OVCH2: variants seen among roughly 807,000 people sequenced by gnomAD.
OVCH2 encodes ovochymase-2.
A neutral mutation model predicts 73.7 loss-of-function variants in OVCH2; 88 were observed. The ratio of observed to expected loss-of-function variants is 1.19; its 90% CI spans 1.01 to 1.43. The LOEUF is 1.43. Ranked by LOEUF, OVCH2 falls within the 40% of genes most tolerant of loss-of-function variation. The probability of loss-of-function intolerance (pLI) is 0.00; values close to 1 mark genes in which losing one functional copy is unlikely to be tolerated. For missense variants in OVCH2, 706 were observed against 674.5 expected, an observed-to-expected ratio of 1.05 and a Z score of -0.52; for synonymous variants, 265 against 234.5, an observed-to-expected ratio of 1.13 and a Z score of -1.19.
At chr11:7,698,844 C>G in intron 7 of OVCH2, 71 bp from the exon 8 acceptor site, 1 of 1,500,716 alleles carries the variant, frequency 6.7e-7, no homozygotes, top group Non-Finnish European at 9.2e-7. Flanking sequence ...AAGTTAGCAT[C>G]TTCTTGGCGC....
chr11:7,696,524 T>A lies in OVCH2; in HGVS notation c.1082A>T (p.Asp361Val), dbSNP rs1057465333. The A allele has an allele frequency of 3.7e-6, 6 of 1,613,864 alleles. No individual in the cohort carries two copies. In the African/African-American group the frequency reaches 6.7e-5, roughly 18 times the overall value. ...MHVLLSFSHL[D>V]VESCHHSYLS... ...GTAACTGTGGTGACAAGACTCAACATCTAGGTGGGAAAAACTGAGCAACAC... is the reference window on the plus strand; with the variant it reads ...GTAACTGTGGTGACAAGACTCAACAACTAGGTGGGAAAAACTGAGCAACAC... Residue 361 changes from aspartate (D) to valine (V), a missense_variant, in exon 10 of 16, where the codon GAT (aspartate) becomes GTT (valine). Transcript: ENST00000533663.
At position 7,695,615 on chromosome 11, in the gene OVCH2, C is replaced by T. The variant is rs3925027; in HGVS notation, c.1237G>A (p.Gly413Arg). ...AGAGCTTTATAGGTAAGATTAAACC[C>T]AGCTGCATTATCTGTGGCATCAGAG... ...FVSDATDNAAGFNLTYKALKP... is the reference protein window; with the variant it reads ...FVSDATDNAARFNLTYKALKP... The change falls in exon 11 of 16, where the codon GGG (glycine) becomes AGG (arginine). Residue 413 changes from glycine (G) to arginine (R), a missense_variant. Coordinates refer to ENST00000533663, the MANE Select transcript of OVCH2 (RefSeq NM_198185.7). The T allele has an allele frequency of 1.9e-6, 3 of 1,612,996 alleles. No homozygotes were observed. In the Admixed American group the frequency reaches 5.0e-5, roughly 27 times the overall value.
Position 7,704,108 on chromosome 11 carries a change from G to C in OVCH2, c.199-319C>G, listed in dbSNP as rs545516309. On this transcript the variant is annotated intron_variant, in intron 2 of 15. Transcript: ENST00000533663. ...TGCAGACCTGTTGCTCTAACAATAT[G>C]AACAGTGTCTGTGAATGAAGGTAAA... is the stretch of plus-strand genomic sequence containing the variant. 6.6e-5 allele frequency among the ~76,000 whole-genome samples: 10 copies of C among 152,262 alleles called. No individual in the cohort carries two copies. The East Asian group carries it at 1.2e-3, about 18-fold the overall frequency.
At chr11:7,696,875 A>G (rs1162752600) in intron 8 of OVCH2, 76 bp from the exon 9 acceptor site, 2 of 1,312,066 alleles carry the variant, frequency 1.5e-6, no homozygotes, top group Non-Finnish European at 2.1e-6. Context: ...AGAAGCTGCA[A>G]ACACCATAGC....
At chr11:7,695,847 A>T (rs1040303936) in intron 10 of OVCH2, 137 bp from the exon 11 acceptor site, 18 of 1,194,230 alleles carry the variant, frequency 1.5e-5, no homozygotes, top group Middle Eastern at 4.2e-4. Flanking sequence ...CACAATTGAC[A>T]TTTTGAGCCA....
At chr11:7,693,891 T>G (rs1411884907) in intron 12 of OVCH2, among the ~76,000 whole-genome samples, 1 of 152,240 alleles carries the variant, frequency 6.6e-6, no homozygotes, top group African/African-American at 2.4e-5. Flanking sequence ...GGGTGGGGAC[T>G]GGACACCTCA....
chr11:7,700,069 A>G, intron 7 of OVCH2: 1 of 524,492 alleles, frequency 1.9e-6, no homozygotes, highest in South Asian at 2.8e-5. Flanking sequence ...GAGAAGGTCT[A>G]GGATGGATGG....
rs1280634613 is a variant in OVCH2, at chr11:7,696,578, C to G, written c.1028G>C (p.Trp343Ser). The G allele has an allele frequency of 1.2e-5, 19 of 1,614,002 alleles. No individual in the cohort carries two copies. The highest frequency in any genetic ancestry group is 1.6e-5 in the Non-Finnish European group (19 of 1,179,900). The part of the protein sequence containing the change: ...LYYESKQRCV[W>S]TLLVPEEMHV... ...CATTTCCTCTGGTACCAGCAGGGTC[C>G]AGACACACCGTCTGTAGGCAGATCA... Residue 343 changes from tryptophan (W) to serine (S), a missense_variant, in exon 10 of 16, where the codon TGG (tryptophan) becomes TCG (serine). Transcript: ENST00000533663.
At chr11:7,698,615 T>C in intron 8 of OVCH2, 135 bp downstream of exon 8, 6 of 786,218 alleles carry the variant, frequency 7.6e-6, no homozygotes, top group Non-Finnish European at 7.9e-6. Context: ...ATAATGGCTG[T>C]AGGTGCTCCA....
intron 12 of OVCH2, among the ~76,000 whole-genome samples, chr11:7,693,299 G>A (rs1856257293): frequency 6.6e-6 from 1 of 152,198 alleles, no homozygotes; most frequent in African/African-American, 2.4e-5. Context: ...AGGGGGACCT[G>A]TATCAGAAAT....
At chr11:7,679,616 T>A in the OVCH2 span, among the ~76,000 whole-genome samples, 2 of 152,184 alleles carry the variant, frequency 1.3e-5, no homozygotes, top group African/African-American at 4.8e-5. Context: ...TCTGACATGA[T>A]TGTAAGTTTC....
intron 2 of OVCH2, 95 bp from the exon 3 acceptor site, chr11:7,703,884 T>C: frequency 1.1e-6 from 1 of 924,306 alleles, no homozygotes; most frequent in South Asian, 1.4e-5. Context: ...GACTCAGATA[T>C]CACACTCGTA....
At chr11:7,695,026 C>T in intron 12 of OVCH2, 32 bp downstream of exon 12, 3 of 1,538,172 alleles carry the variant, frequency 2.0e-6, no homozygotes, top group Non-Finnish European at 2.6e-6. Flanking sequence ...GTGAATTTAC[C>T]ATAGCTACGT....
chr11:7,685,099 G>A (rs1365168184), downstream of OVCH2, among the ~76,000 whole-genome samples: 1 of 152,200 alleles, frequency 6.6e-6, no homozygotes, highest in East Asian at 1.9e-4. Context: ...AGAAACATGA[G>A]AGTCTTGACA....
the OVCH2 span, among the ~76,000 whole-genome samples, chr11:7,683,172 C>T: frequency 1.6e-4 from 25 of 152,172 alleles, no homozygotes; most frequent in Non-Finnish European, 3.4e-4. Flanking sequence ...CCTCTGAACT[C>T]CACATTCATA....
intron 8 of OVCH2, among the ~76,000 whole-genome samples, chr11:7,697,981 C>T (rs1349459995): frequency 1.3e-5 from 2 of 152,172 alleles, no homozygotes; most frequent in African/African-American, 4.8e-5. Context: ...TATTCTTCTC[C>T]CTTATAAATC....
chr11:7,684,528 G>GTGTT (rs1421904210), downstream of OVCH2, among the ~76,000 whole-genome samples: 1 of 151,388 alleles, frequency 6.6e-6, no homozygotes, highest in Non-Finnish European at 1.5e-5. Context: ...GTGTGTGTGT[G>GTGTT]TGTGTGTGTG....
Position 7,701,743 on chromosome 11 carries a change from T to G in OVCH2, c.532A>C (p.Thr178Pro). 6.2e-7 allele frequency: 1 copy of G among 1,612,454 alleles called. No homozygotes were observed. The highest frequency in any genetic ancestry group is 8.5e-7 in the Non-Finnish European group (1 of 1,179,402). Residue 178 changes from threonine (T) to proline (P), a missense_variant, in exon 5 of 16, where the codon ACT (threonine) becomes CCT (proline). Transcript: ENST00000533663. ...TCAGTTAAGCGGCCCCAGCCTGCAG[T>G]TGTACAAATAAAACCAGCCTCAAAT... ...EQFEAGFICT[T>P]AGWGRLTEGG...
chr11:7,695,292 T>C, intron 11 of OVCH2, 104 bp from the exon 12 acceptor site: 1 of 1,314,186 alleles, frequency 7.6e-7, no homozygotes. Flanking sequence ...TCAATTGCAT[T>C]TTCAGACACT....
Sources: gnomAD v4.1 joint callset for allele counts (sites outside exome capture counted in the v4.1 genomes callset) on GRCh38, gnomAD v4.1.1 for gene constraint, MANE v1.5 for transcripts, NCBI Gene and HGNC (gene_info 2026-07-23, HGNC 2026-07-21) for gene names.